Variants in SNRK observed in about 807,000 individuals in gnomAD.
The protein encoded by SNRK is SNF related kinase, also known as SNF-related serine/threonine-protein kinase.
In SNRK, 3 loss-of-function variants were observed where a neutral mutation model predicts 48.2. The observed-to-expected ratio is 0.06, with a 90% CI of 0.03 to 0.16. The LOEUF (loss-of-function observed/expected upper bound fraction) is 0.16, where lower values mean the gene tolerates loss of function less well. Among genes scored for constraint, SNRK ranks in the 10% least tolerant of loss-of-function variants. The pLI, the probability that SNRK is intolerant of heterozygous loss-of-function variation, is 1.00. For missense variants in SNRK, 627 were observed against 976.0 expected (o/e 0.64, Z 4.76); for synonymous variants, 376 against 366.1 (o/e 1.03, Z -0.31).
chr3:43,308,793 C>T (rs1382961033), intron 3 of SNRK, among the ~76,000 whole-genome samples: 1 of 152,158 alleles, frequency 6.6e-6, no homozygotes, highest in Non-Finnish European at 1.5e-5. Context: ...TTTTGACTTC[C>T]AAGTCTTTAC....
intron 1 of SNRK, among the ~76,000 whole-genome samples, chr3:43,288,024 C>T (rs1221946313): frequency 1.3e-5 from 2 of 152,050 alleles, no homozygotes; most frequent in Non-Finnish European, 2.9e-5. Context: ...ACACCAAATA[C>T]CAAATTTTTA....
intron 3 of SNRK, among the ~76,000 whole-genome samples, chr3:43,328,602 A>T (rs1024264132): frequency 1.4e-4 from 21 of 152,130 alleles, no homozygotes; most frequent in African/African-American, 4.8e-4. Context: ...TATGGTGGAT[A>T]ATTTTTGTTG....
chr3:43,290,092 C>T (rs1449132593), intron 1 of SNRK, among the ~76,000 whole-genome samples: 2 of 152,146 alleles, frequency 1.3e-5, no homozygotes, highest in Non-Finnish European at 2.9e-5. Context: ...CCTCACTGGG[C>T]CTCAATTTCT....
chr3:43,305,908 G>C (rs1408288144), intron 3 of SNRK, among the ~76,000 whole-genome samples: 1 of 152,160 alleles, frequency 6.6e-6, no homozygotes, highest in East Asian at 1.9e-4. Flanking sequence ...TACTTCTGAG[G>C]GGCAGGCATA....
chr3:43,301,025 CCTGT>C (rs1269300231), intron 2 of SNRK, among the ~76,000 whole-genome samples: 2 of 152,168 alleles, frequency 1.3e-5, no homozygotes, highest in Non-Finnish European at 2.9e-5. Flanking sequence ...GTTAATAATT[CCTGT>C]CTTTGAGGGG....
chr3:43,348,495 C>T lies in SNRK; in HGVS notation c.2236C>T (p.Arg746Trp), dbSNP rs753156157. Reference protein sequence around the residue: ...CEKTISVNIQRNPKEGLLCAS... With the variant: ...CEKTISVNIQWNPKEGLLCAS... ...AAAGACCATCTCTGTGAACATCCAG[C>T]GGAACCCTAAGGAGGGGCTGCTGTG... The change falls in exon 7 of 7, where the codon CGG becomes TGG. Residue 746 changes from arginine to tryptophan, a missense_variant. This residue lies in a region of SNRK where 207 missense variants were observed against 234.3 expected (regional missense o/e 0.88). Coordinates refer to ENST00000296088, the MANE Select transcript of SNRK (RefSeq NM_017719.5). 10 of 1,588,120 alleles carry T rather than the reference C, an allele frequency of 6.3e-6. No homozygotes were observed. The highest frequency in any genetic ancestry group is 1.2e-5 in the South Asian group (1 of 86,070).
rs2091283247 is a variant in SNRK at position 43,347,241 on chromosome 3, CTG to C, written c.1080-96_1080-95del. On this transcript the variant is annotated intron_variant, in intron 6 of 6. Coordinates refer to ENST00000296088, the MANE Select transcript of SNRK (RefSeq NM_017719.5). The surrounding 1 kb of genome is among the most constrained non-coding windows in gnomAD (Gnocchi z 5.4). The stretch of plus-strand genomic sequence containing the variant: ...AAGGCTGCTGCTTTTTTCTTTAAGT[CTG>C]TAGATTTTGTCCCAGTAAGTTCATT... 7.8e-7 allele frequency: 1 copy of C among 1,283,612 alleles called. No individual in the cohort carries two copies. The highest frequency in any genetic ancestry group is 1.6e-5 in the South Asian group (1 of 60,626). 79.5% of individuals were successfully genotyped at this position (1,283,612 alleles called of 1,614,324 possible).
intron 1 of SNRK, among the ~76,000 whole-genome samples, chr3:43,294,230 C>G (rs12631509): frequency 0.017 from 2,579 of 152,218 alleles, 199 homozygotes; most frequent in Admixed American, 0.13. Context: ...TATTTTAAGG[C>G]TTTTGAGACA....
chr3:43,310,820 GTTTT>G (rs370451893), intron 3 of SNRK, among the ~76,000 whole-genome samples: 1 of 151,776 alleles, frequency 6.6e-6, no homozygotes, highest in African/African-American at 2.4e-5. Flanking sequence ...AGCATATTTT[GTTTT>G]TTTTATTTTA....
intron 1 of SNRK, among the ~76,000 whole-genome samples, chr3:43,297,598 T>C: frequency 6.6e-6 from 1 of 152,028 alleles, no homozygotes; most frequent in Non-Finnish European, 1.5e-5. Context: ...CCTCCCCCCC[T>C]TTTTTACTAG....
intron 3 of SNRK, among the ~76,000 whole-genome samples, chr3:43,309,194 C>A (rs2090960175): frequency 6.6e-6 from 1 of 151,690 alleles, no homozygotes; most frequent in Non-Finnish European, 1.5e-5. Flanking sequence ...TTTTTTAAAT[C>A]CATGAATGCA....
In SNRK at chr3:43,340,405, C is replaced by G; in HGVS notation, c.850C>G (p.Leu284Val). ...ACCAGCTACAAAGTATAACATTCCC[C>G]TTGTGTCATACAAAAATCTCTCGGA... ...PSPATKYNIP[L>V]VSYKNLSEEE... The change falls in exon 5 of 7, where the codon CTT becomes GTT. Residue 284 changes from leucine to valine, a missense_variant. Leu to Val is a conservative substitution (Grantham distance 32). Coordinates refer to ENST00000296088, the MANE Select transcript of SNRK (RefSeq NM_017719.5). 1 of 1,614,164 alleles carries G rather than the reference C, an allele frequency of 6.2e-7. No individual in the cohort carries two copies. Among genetic ancestry groups the G allele is most frequent in the Non-Finnish European group, 8.5e-7 (1 of 1,180,002 alleles).
intron 3 of SNRK, among the ~76,000 whole-genome samples, chr3:43,328,870 C>A (rs1331540721): frequency 6.6e-6 from 1 of 152,158 alleles, no homozygotes; most frequent in Non-Finnish European, 1.5e-5. Context: ...GCATCTCTTA[C>A]TCATCTCTGT....
chr3:43,324,038 CA>C (rs2091075170), intron 3 of SNRK, among the ~76,000 whole-genome samples: 1 of 152,088 alleles, frequency 6.6e-6, no homozygotes, highest in Non-Finnish European at 1.5e-5. Context: ...TGGAGAAATG[CA>C]CCCTAAAAAT....
In SNRK at chr3:43,348,091, G is replaced by A. The variant is rs2091292010; in HGVS notation, c.1832G>A (p.Gly611Asp). 6.3e-7 allele frequency: 1 copy of A among 1,589,132 alleles called. No individual in the cohort carries two copies. Among genetic ancestry groups the A allele is most frequent in the Non-Finnish European group, 8.6e-7 (1 of 1,167,998 alleles). The change falls in exon 7 of 7, where the codon GGC becomes GAC. Residue 611 changes from glycine (G) to aspartate (D), a missense_variant. Physicochemically the swap from Gly to Asp is moderately conservative, Grantham distance 94 (BLOSUM62 -1). Around this residue, in one of 4 missense-constraint regions of SNRK, gnomAD observed 207 missense variants for 234.3 expected, o/e 0.88. Transcript: ENST00000296088. ...GCTGGTGGGGGCAGTCCCTCCAGCG[G>A]CTCGGGTGGCAACCCCACCAATACA... ...NNAGGGSPSS[G>D]SGGNPTNTSG...
intron 3 of SNRK, among the ~76,000 whole-genome samples, chr3:43,306,619 A>G (rs1302555245): frequency 6.6e-6 from 1 of 151,552 alleles, no homozygotes; most frequent in African/African-American, 2.4e-5. Context: ...GTGTGTCTTG[A>G]TTTCTAACAA....
intron 6 of SNRK, among the ~76,000 whole-genome samples, chr3:43,344,479 T>G (rs1371777161): frequency 6.6e-6 from 1 of 152,210 alleles, no homozygotes; most frequent in African/African-American, 2.4e-5. Context: ...TGTAAAAGAT[T>G]AAGAAAGCCA....
chr3:43,333,057 A>G (rs899617614), intron 4 of SNRK: 2 of 152,096 alleles, frequency 1.3e-5, no homozygotes, highest in Non-Finnish European at 2.9e-5. Context: ...GTAAGAAGGA[A>G]ATCTGATTGC....
intron 3 of SNRK, among the ~76,000 whole-genome samples, chr3:43,313,020 G>T (rs2090990047): frequency 6.6e-6 from 1 of 152,128 alleles, no homozygotes; most frequent in South Asian, 2.1e-4. Flanking sequence ...TCAAAACTCT[G>T]CAGGGGTTTT....
Sources: gnomAD v4.1 joint callset for allele counts (sites outside exome capture counted in the v4.1 genomes callset) on GRCh38, gnomAD v4.1.1 for gene constraint, gnomAD v4.1.1 regional missense constraint, Gnocchi (gnomAD v3.1) non-coding constraint, MANE v1.5 for transcripts, NCBI Gene and HGNC (gene_info 2026-07-23, HGNC 2026-07-21) for gene names.